Variants in CA10 observed in about 807,000 individuals in gnomAD.
The protein encoded by CA10 is carbonic anhydrase-related protein 10.
CA10 carries 14 observed loss-of-function variants against 44.2 expected under a neutral mutation model. That is an observed-to-expected ratio of 0.32 (90% CI 0.21 to 0.50). The LOEUF (loss-of-function observed/expected upper bound fraction) is 0.50. CA10 is among the 20% of genes least tolerant of loss of function. The pLI, the probability that CA10 is intolerant of heterozygous loss-of-function variation, is 0.99. For missense variants in CA10, 350 were observed against 409.7 expected, an observed-to-expected ratio of 0.85 and a Z score of 1.26; for synonymous variants, 159 against 141.6, an observed-to-expected ratio of 1.12 and a Z score of -0.87.
intron 2 of CA10, among the ~76,000 whole-genome samples, chr17:51,971,047 A>T (rs1314016643): frequency 6.6e-6 from 1 of 152,048 alleles, no homozygotes; most frequent in Non-Finnish European, 1.5e-5. Flanking sequence ...CTAAATATGG[A>T]TTTCAAAATA....
rs766820678 is a variant in CA10, at chr17:51,635,979, A to G, written c.665T>C (p.Ile222Thr). The G allele has an allele frequency of 5.0e-6, 8 of 1,598,256 alleles. No individual in the cohort carries two copies. Among genetic ancestry groups the G allele is most frequent in the East Asian group, 2.2e-5 (1 of 44,708 alleles). The part of the protein sequence containing the change: ...NDAYLLQGLN[I>T]EELYPETSSF... ...AGAGGTCTCTGGATATAGTTCCTCT[A>G]TATTAAGCCCCTGTAGTAAATATGC... Residue 222 changes from isoleucine to threonine, a missense_variant, in exon 7 of 9, where the codon ATA (isoleucine) becomes ACA (threonine). Physicochemically the swap from Ile to Thr is moderately conservative, Grantham distance 89 (BLOSUM62 -1). Coordinates refer to ENST00000451037, the MANE Select transcript of CA10 (RefSeq NM_020178.5).
intron 2 of CA10, among the ~76,000 whole-genome samples, chr17:51,965,559 C>A (rs1598143734): frequency 6.6e-6 from 1 of 152,098 alleles, no homozygotes; most frequent in Admixed American, 6.6e-5. Context: ...TCAACATACA[C>A]AAATCAATAC....
chr17:51,848,664 G>A (rs1325507896), intron 3 of CA10, among the ~76,000 whole-genome samples: 1 of 152,188 alleles, frequency 6.6e-6, no homozygotes, highest in African/African-American at 2.4e-5. Context: ...GGAGTCACAG[G>A]AAGAAAATAG....
intron 4 of CA10, among the ~76,000 whole-genome samples, chr17:51,663,938 T>A (rs1914112215): frequency 6.6e-6 from 1 of 152,230 alleles, no homozygotes. Context: ...CTGTAGCTCG[T>A]ATTCTTGTAT....
intron 6 of CA10, among the ~76,000 whole-genome samples, chr17:51,642,601 TCC>T (rs1481017363): frequency 2.0e-5 from 3 of 152,334 alleles, no homozygotes; most frequent in African/African-American, 7.2e-5. Flanking sequence ...TGGTTTTATT[TCC>T]TTAGAGGAAA....
chr17:51,693,762 T>G (rs1597989940), intron 4 of CA10, among the ~76,000 whole-genome samples: 1 of 152,216 alleles, frequency 6.6e-6, no homozygotes, highest in African/African-American at 2.4e-5. Flanking sequence ...GGCCCCTAGG[T>G]TGATCCACGT....
chr17:51,914,414 G>A (rs695187), intron 3 of CA10, among the ~76,000 whole-genome samples: 103,997 of 151,800 alleles, frequency 0.69, 35,916 homozygotes, highest in Non-Finnish European at 0.71. Context: ...TTTTTTGATG[G>A]AACGTGTAAA....
intron 3 of CA10, among the ~76,000 whole-genome samples, chr17:51,779,511 C>T (rs1905961636): frequency 1.3e-5 from 2 of 152,282 alleles, no homozygotes; most frequent in Admixed American, 6.5e-5. Flanking sequence ...GAAGGTGCTG[C>T]AGCAGGTCTT....
chr17:51,874,753 T>C (rs1002301167), intron 3 of CA10, among the ~76,000 whole-genome samples: 2 of 152,110 alleles, frequency 1.3e-5, no homozygotes, highest in Non-Finnish European at 2.9e-5. Flanking sequence ...AAAAATGAAA[T>C]GTAGATATGA....
chr17:51,920,146 C>G (rs1375631393), intron 3 of CA10, among the ~76,000 whole-genome samples: 5 of 152,142 alleles, frequency 3.3e-5, no homozygotes, highest in African/African-American at 1.2e-4. Context: ...TCTGGGATAA[C>G]TTGAATTTTC....
chr17:51,793,246 G>T (rs1906588160), intron 3 of CA10, among the ~76,000 whole-genome samples: 1 of 152,162 alleles, frequency 6.6e-6, no homozygotes, highest in African/African-American at 2.4e-5. Context: ...TTCTTGCACT[G>T]CCTGAATGTC....
chr17:51,684,760 T>C (rs1011590376), intron 4 of CA10, among the ~76,000 whole-genome samples: 1 of 152,204 alleles, frequency 6.6e-6, no homozygotes, highest in Non-Finnish European at 1.5e-5. Flanking sequence ...GTTGGTGCTC[T>C]CAAAGTGATT....
chr17:51,684,163 T>C (rs1914934351), intron 4 of CA10, among the ~76,000 whole-genome samples: 1 of 152,156 alleles, frequency 6.6e-6, no homozygotes, highest in South Asian at 2.1e-4. Flanking sequence ...GAAGATGTAA[T>C]GTGGGACCAG....
At chr17:51,862,183 A>T (rs1979340348) in intron 3 of CA10, among the ~76,000 whole-genome samples, 1 of 152,204 alleles carries the variant, frequency 6.6e-6, no homozygotes, top group African/African-American at 2.4e-5. Context: ...GTTTCTAATG[A>T]TCTCATCTGT....
At chr17:51,819,126 G>GA (rs1907673784) in intron 3 of CA10, among the ~76,000 whole-genome samples, 2 of 152,172 alleles carry the variant, frequency 1.3e-5, no homozygotes. Context: ...CAGCATCTTA[G>GA]AAAATCACTG....
chr17:51,911,785 C>T (rs1981798973), intron 3 of CA10, among the ~76,000 whole-genome samples: 1 of 152,108 alleles, frequency 6.6e-6, no homozygotes, highest in East Asian at 1.9e-4. Context: ...ATAATGAAAT[C>T]ACTCAAATTT....
intron 1 of CA10, among the ~76,000 whole-genome samples, chr17:52,105,978 T>A (rs1988653264): frequency 6.6e-6 from 1 of 152,168 alleles, no homozygotes; most frequent in African/African-American, 2.4e-5. Flanking sequence ...TAATTGCACA[T>A]AATAGTCAAT....
At chr17:52,116,090 C>CAA (rs71149393) in intron 1 of CA10, among the ~76,000 whole-genome samples, 1 of 136,744 alleles carries the variant, frequency 7.3e-6, no homozygotes. Flanking sequence ...GACTCTGTCT[C>CAA]AAAAAAAAAA....
At chr17:51,738,099 T>G (rs1916972501) in intron 4 of CA10, among the ~76,000 whole-genome samples, 1 of 152,190 alleles carries the variant, frequency 6.6e-6, no homozygotes, top group Admixed American at 6.6e-5. Flanking sequence ...AAAAAATTAA[T>G]GGAACATGAA....
Sources: gnomAD v4.1 joint callset for allele counts (sites outside exome capture counted in the v4.1 genomes callset) on GRCh38, gnomAD v4.1.1 for gene constraint, MANE v1.5 for transcripts, NCBI Gene and HGNC (gene_info 2026-07-23, HGNC 2026-07-21) for gene names.